Variants in KYNU observed in about 807,000 individuals in gnomAD.
KYNU encodes the protein L-kynurenine hydrolase.
KYNU carries 54 observed loss-of-function variants against 59.2 expected under a neutral mutation model. That is an observed-to-expected ratio of 0.91 (90% CI 0.73 to 1.14). KYNU has a LOEUF of 1.14. KYNU is among the 50% of genes most tolerant of loss of function. The pLI is 0.00. For missense variants in KYNU, 567 were observed against 554.4 expected (o/e 1.02, Z -0.23); for synonymous variants, 177 against 192.0 (o/e 0.92, Z 0.65).
chr2:142,989,497 GTGGC>G (rs1685326913), intron 10 of KYNU: 3 of 984,856 alleles, frequency 3.0e-6, no homozygotes, highest in Non-Finnish European at 3.6e-6. Flanking sequence ...GTGACATCTA[GTGGC>G]TAAACATGTT....
At chr2:142,975,619 G>A (rs1684860118) in intron 8 of KYNU, among the ~76,000 whole-genome samples, 1 of 152,080 alleles carries the variant, frequency 6.6e-6, no homozygotes. Flanking sequence ...GCACACACTC[G>A]CCTGCATGCT....
chr2:143,040,325 A>G (rs1558988645), intron 12 of KYNU, 103 bp from the exon 13 acceptor site: 2 of 772,480 alleles, frequency 2.6e-6, no homozygotes, highest in Non-Finnish European at 4.5e-6. Context: ...TTTATTGGAA[A>G]GATCAAATAT....
chr2:142,884,909 A>G (rs1440582939), intron 1 of KYNU, among the ~76,000 whole-genome samples: 1 of 148,660 alleles, frequency 6.7e-6, no homozygotes, highest in Admixed American at 6.6e-5. Context: ...ACCAACCAGC[A>G]TTAAACTCCA....
At chr2:142,983,506 A>G (rs1312235052) in intron 8 of KYNU, among the ~76,000 whole-genome samples, 1 of 152,074 alleles carries the variant, frequency 6.6e-6, no homozygotes, top group Non-Finnish European at 1.5e-5. Flanking sequence ...GATAGAATTT[A>G]TAACAGTGTA....
rs142055998 is a variant in KYNU, at chr2:142,927,637, T to G, written c.291-22T>G. On this transcript the variant is annotated intron_variant, in intron 3 of 13. Coordinates refer to ENST00000264170, the MANE Select transcript of KYNU (RefSeq NM_003937.3). ...CATGCACATAAAAGCTAAGATATGT[T>G]TATGTCCGTTTTCAATTTCAGAGCA... 2.6e-4 allele frequency: 416 copies of G among 1,578,458 alleles called. No homozygotes were observed. The African/African-American group carries it at 4.7e-3, about 18-fold the overall frequency.
At position 143,042,092 on chromosome 2, in the gene KYNU, C is replaced by G; in HGVS notation, c.1318C>G (p.Leu440Val). ...PNGIRVAPVPLYNSFHDVYKF... is the reference protein window; with the variant it reads ...PNGIRVAPVPVYNSFHDVYKF... ...TGGCATTCGAGTGGCTCCAGTTCCTCTCTATAATTCTTTCCATGATGTTTA... is the reference window on the plus strand; with the variant it reads ...TGGCATTCGAGTGGCTCCAGTTCCTGTCTATAATTCTTTCCATGATGTTTA... Residue 440 changes from leucine (L) to valine (V), a missense_variant, in exon 14 of 14, where the codon CTC becomes GTC. Coordinates refer to ENST00000264170, the MANE Select transcript of KYNU (RefSeq NM_003937.3). 2 of 1,611,340 alleles carry G rather than the reference C, an allele frequency of 1.2e-6. No homozygotes were observed. The highest frequency in any genetic ancestry group is 1.7e-6 in the Non-Finnish European group (2 of 1,178,214).
intron 4 of KYNU, among the ~76,000 whole-genome samples, chr2:142,942,024 A>G (rs1683616894): frequency 6.6e-6 from 1 of 152,042 alleles, no homozygotes; most frequent in South Asian, 2.1e-4. Flanking sequence ...CAGATATACA[A>G]AAATTACCCA....
At chr2:142,988,933 C>G (rs1685310386) in intron 10 of KYNU, 1 of 1,523,234 alleles carries the variant, frequency 6.6e-7, no homozygotes, top group Non-Finnish European at 9.1e-7. Flanking sequence ...TTCATTGTCC[C>G]TGATAGGAAA....
intron 12 of KYNU, among the ~76,000 whole-genome samples, chr2:143,037,771 T>A (rs758135910): frequency 6.6e-6 from 1 of 152,176 alleles, no homozygotes; most frequent in Non-Finnish European, 1.5e-5. Flanking sequence ...ATTGAAAGCA[T>A]AACATTTATG....
At chr2:142,955,559 C>G (rs1193108433) in intron 5 of KYNU, among the ~76,000 whole-genome samples, 1 of 151,992 alleles carries the variant, frequency 6.6e-6, no homozygotes, top group East Asian at 1.9e-4. Context: ...AGGCTTTTGG[C>G]ATCTCTAAGT....
intron 8 of KYNU, among the ~76,000 whole-genome samples, chr2:142,963,559 C>A (rs988284884): frequency 6.6e-6 from 1 of 152,098 alleles, no homozygotes; most frequent in African/African-American, 2.4e-5. Flanking sequence ...GGACAAATTC[C>A]ATTCATGAGG....
Position 142,947,240 on chromosome 2 carries a change from T to A in KYNU, c.374-7570T>A, listed in dbSNP as rs1265474477. 7.7e-6 allele frequency: 12 copies of A among 1,548,550 alleles called. 1 individual carries two copies. The Admixed American group carries it at 2.0e-4, about 25-fold the overall frequency. Reference sequence around the variant, plus strand: ...CAGTGGAGTTCTCTAAACTGAAACCTTGAGAGAGGAAGATTTTCAAGTAGG... The same window carrying A: ...CAGTGGAGTTCTCTAAACTGAAACCATGAGAGAGGAAGATTTTCAAGTAGG... On this transcript the variant is annotated intron_variant, in intron 4 of 13. Transcript: ENST00000264170.
chr2:142,954,415 C>T (rs559228764), intron 4 of KYNU, among the ~76,000 whole-genome samples: 21 of 152,058 alleles, frequency 1.4e-4, no homozygotes, highest in South Asian at 8.3e-4. Context: ...TTAGAAACAA[C>T]GAACTTTAAA....
At position 142,882,078 on chromosome 2, in the gene KYNU, C is replaced by T. The variant is rs16858196; in HGVS notation, c.-19-3271C>T. 7.1e-3 allele frequency among the ~76,000 whole-genome samples: 1,080 copies of T among 152,062 alleles called. 16 individuals carry two copies. The highest frequency in any genetic ancestry group is 0.025 in the African/African-American group (1,024 of 41,482). On this transcript the variant is annotated intron_variant, in intron 1 of 13. Coordinates refer to ENST00000264170, the MANE Select transcript of KYNU (RefSeq NM_003937.3). Reference sequence around the variant, plus strand: ...GCTAAACTGAATTCCAATTTCCCTCCTCAAAATTTTTCTTCCCCAGGTATT... The same window carrying T: ...GCTAAACTGAATTCCAATTTCCCTCTTCAAAATTTTTCTTCCCCAGGTATT...
intron 4 of KYNU, among the ~76,000 whole-genome samples, chr2:142,934,305 G>A (rs1057264206): frequency 3.3e-5 from 5 of 152,130 alleles, no homozygotes; most frequent in African/African-American, 1.2e-4. Flanking sequence ...GTCCTAAACA[G>A]AGGGGTTAAC....
chr2:142,991,875 A>G (rs1304909047), intron 10 of KYNU, among the ~76,000 whole-genome samples: 1 of 151,894 alleles, frequency 6.6e-6, no homozygotes, highest in African/African-American at 2.4e-5. Flanking sequence ...TGCAAATTGC[A>G]AGAGTTTGTC....
chr2:142,880,342 T>C (rs1681250954), intron 1 of KYNU, among the ~76,000 whole-genome samples: 1 of 152,194 alleles, frequency 6.6e-6, no homozygotes, highest in African/African-American at 2.4e-5. Flanking sequence ...GACTTGCACA[T>C]AGCATGTTGC....
chr2:142,928,597 T>C (rs992683059), intron 4 of KYNU, among the ~76,000 whole-genome samples: 3 of 152,132 alleles, frequency 2.0e-5, no homozygotes, highest in Non-Finnish European at 2.9e-5. Context: ...GACTTATGCA[T>C]AGAAAAAACT....
intron 2 of KYNU, among the ~76,000 whole-genome samples, chr2:142,906,381 G>A (rs1230725662): frequency 6.6e-6 from 1 of 152,184 alleles, no homozygotes; most frequent in East Asian, 1.9e-4. Context: ...TAGAAATTAG[G>A]GGAGGAGAGC....
Sources: gnomAD v4.1 joint callset for allele counts (sites outside exome capture counted in the v4.1 genomes callset) on GRCh38, gnomAD v4.1.1 for gene constraint, MANE v1.5 for transcripts, NCBI Gene and HGNC (gene_info 2026-07-23, HGNC 2026-07-21) for gene names.